PALLD: variants seen among roughly 807,000 people sequenced by gnomAD.
PALLD encodes the protein palladin.
In PALLD, 61 loss-of-function variants were observed where a neutral mutation model predicts 123.5. The ratio of observed to expected loss-of-function variants is 0.49; its 90% confidence interval spans 0.40 to 0.61. The LOEUF (loss-of-function observed/expected upper bound fraction) is 0.61. Among genes scored for constraint, PALLD ranks in the 20% least tolerant of loss-of-function variants. The pLI, the probability that PALLD is intolerant of heterozygous loss-of-function variation, is 0.00. For synonymous variants in PALLD, 465 were observed against 496.4 expected (o/e 0.94, Z 0.84); for missense variants, 1,273 against 1,377.0 (o/e 0.92, Z 1.20).
At chr4:168,591,837 C>T (rs191969783) in intron 2 of PALLD, among the ~76,000 whole-genome samples, 43 of 151,860 alleles carry the variant, frequency 2.8e-4, no homozygotes, top group Non-Finnish European at 4.7e-4. Flanking sequence ...TAATTTGGCC[C>T]CCAGGAAATG....
At chr4:168,749,978 G>A (rs1005255206) in intron 10 of PALLD, among the ~76,000 whole-genome samples, 1 of 147,638 alleles carries the variant, frequency 6.8e-6, no homozygotes, top group Non-Finnish European at 1.5e-5. Flanking sequence ...TTGGAGTCTC[G>A]CTCTGTCACC....
intron 2 of PALLD, among the ~76,000 whole-genome samples, chr4:168,549,594 T>A (rs534314868): frequency 2.6e-5 from 4 of 152,310 alleles, no homozygotes; most frequent in Admixed American, 6.5e-5. Context: ...CTCCCTCTTA[T>A]TAATACTTCA....
chr4:168,774,657 G>A (rs898629718), intron 10 of PALLD, among the ~76,000 whole-genome samples: 38 of 144,434 alleles, frequency 2.6e-4, no homozygotes, highest in Non-Finnish European at 3.1e-4. Flanking sequence ...GAACCTGGGA[G>A]GTGGAGGTTG....
At chr4:168,666,650 T>C (rs1302477248) in intron 2 of PALLD, among the ~76,000 whole-genome samples, 1 of 152,090 alleles carries the variant, frequency 6.6e-6, no homozygotes, top group East Asian at 1.9e-4. Context: ...AGGGCCAAGT[T>C]ATATGAAAAC....
intron 18 of PALLD, among the ~76,000 whole-genome samples, chr4:168,922,679 TG>T (rs1256848932): frequency 1.4e-4 from 21 of 152,236 alleles, no homozygotes; most frequent in African/African-American, 5.1e-4. Flanking sequence ...GTGGTAAATA[TG>T]TGGACTGTGG....
chr4:168,797,931 C>T (rs1309888530), intron 10 of PALLD, among the ~76,000 whole-genome samples: 2 of 151,558 alleles, frequency 1.3e-5, no homozygotes, highest in Non-Finnish European at 2.9e-5. Context: ...TGCAACTTCC[C>T]TTCTGATCCT....
intron 10 of PALLD, among the ~76,000 whole-genome samples, chr4:168,880,761 G>A (rs867839184): frequency 3.3e-5 from 5 of 152,248 alleles, no homozygotes; most frequent in Middle Eastern, 3.4e-3. Context: ...TATTTCTTTA[G>A]CTGGATAGTT....
chr4:168,694,286 A>G (rs1333614633), intron 8 of PALLD, among the ~76,000 whole-genome samples: 2 of 152,360 alleles, frequency 1.3e-5, no homozygotes, highest in East Asian at 3.8e-4. Context: ...GATAAATTTT[A>G]TAGGACTAGG....
intron 10 of PALLD, among the ~76,000 whole-genome samples, chr4:168,724,970 G>A (rs1483138204): frequency 1.3e-5 from 2 of 152,290 alleles, no homozygotes; most frequent in East Asian, 1.9e-4. Context: ...ACACCATCTC[G>A]ACTCTGAAGC....
At chr4:168,586,458 GC>G (rs1770830387) in intron 2 of PALLD, among the ~76,000 whole-genome samples, 1 of 152,166 alleles carries the variant, frequency 6.6e-6, no homozygotes, top group Non-Finnish European at 1.5e-5. Flanking sequence ...AATTCGTTTT[GC>G]TGTCGTTGAT....
intron 5 of PALLD, among the ~76,000 whole-genome samples, chr4:168,685,040 C>A (rs945660410): frequency 6.6e-6 from 1 of 152,024 alleles, no homozygotes; most frequent in South Asian, 2.1e-4. Context: ...ATCCCTATAT[C>A]AAAAAAGAGT....
intron 20 of PALLD, 51 bp from the exon 21 acceptor site, chr4:168,925,182 T>A: frequency 6.3e-7 from 1 of 1,584,062 alleles, no homozygotes; most frequent in African/African-American, 1.4e-5. Context: ...AACTATTGTG[T>A]TTTATTTGTC....
intron 2 of PALLD, among the ~76,000 whole-genome samples, chr4:168,544,652 C>T (rs188449215): frequency 8.3e-4 from 127 of 152,252 alleles, no homozygotes; most frequent in African/African-American, 2.8e-3. Flanking sequence ...AGGATAATTT[C>T]GTTTTACACT....
In PALLD at chr4:168,626,228, G is replaced by A. The variant is rs1193850178; in HGVS notation, c.909-41962G>A. 3.3e-5 allele frequency among the ~76,000 whole-genome samples: 5 copies of A among 151,656 alleles called. No homozygotes were observed. The East Asian group carries it at 5.8e-4, about 18-fold the overall frequency. ...ATCCTGGCTAACACAGTGAAACCTCGTCTCTACTAAAAATACAAAAGAAAT... is the reference window on the plus strand; with the variant it reads ...ATCCTGGCTAACACAGTGAAACCTCATCTCTACTAAAAATACAAAAGAAAT... On this transcript the variant is annotated intron_variant, in intron 2 of 21. Coordinates refer to ENST00000505667, the MANE Select transcript of PALLD (RefSeq NM_001166108.2).
chr4:168,673,890 G>A (rs74287183), intron 3 of PALLD, among the ~76,000 whole-genome samples: 2 of 69,400 alleles, frequency 2.9e-5, no homozygotes, highest in Non-Finnish European at 4.8e-5. Context: ...TGAACGTGCT[G>A]TGTGTGTGTG....
intron 2 of PALLD, among the ~76,000 whole-genome samples, chr4:168,520,929 T>C (rs1196237832): frequency 6.6e-6 from 1 of 152,244 alleles, no homozygotes; most frequent in Non-Finnish European, 1.5e-5. Context: ...CATTGGTATC[T>C]AGTCATGAGT....
At position 168,613,923 on chromosome 4, in the gene PALLD, G is replaced by A. The variant is rs150112809; in HGVS notation, c.909-54267G>A. Among the ~76,000 whole-genome samples the A allele has an allele frequency of 1.9e-3, 288 of 152,280 alleles. 1 individual carries two copies. Among genetic ancestry groups the A allele is most frequent in the African/African-American group, 6.2e-3 (259 of 41,546 alleles). ...AACATCGTGAAAAGAAATCTGAGTCGTAGAGCTCCACATCCTGCTGCCCTC... is the reference window on the plus strand; with the variant it reads ...AACATCGTGAAAAGAAATCTGAGTCATAGAGCTCCACATCCTGCTGCCCTC... On this transcript the variant is annotated intron_variant, in intron 2 of 21. Coordinates refer to ENST00000505667, the MANE Select transcript of PALLD (RefSeq NM_001166108.2).
In PALLD at chr4:168,754,542, T is replaced by G. The variant is rs560985068; in HGVS notation, c.1964+42619T>G. Among the ~76,000 whole-genome samples, 4 of 152,334 alleles carry G rather than the reference T, an allele frequency of 2.6e-5. No homozygotes were observed. In the South Asian group the frequency reaches 8.3e-4, roughly 32 times the overall value. The stretch of plus-strand genomic sequence containing the variant: ...TACTGTTACATTATGCTGACTATTA[T>G]TTTCCATTCTGGTGCTTCTTAAGCT... On this transcript the variant is annotated intron_variant, in intron 10 of 21. Coordinates refer to ENST00000505667, the MANE Select transcript of PALLD (RefSeq NM_001166108.2).
At chr4:168,548,170 G>T (rs1249656590) in intron 2 of PALLD, among the ~76,000 whole-genome samples, 1 of 152,032 alleles carries the variant, frequency 6.6e-6, no homozygotes. Context: ...GAGACAAAAG[G>T]ATCTTATCTA....
Sources: allele counts gnomAD v4.1 joint callset (sites outside exome capture counted in the v4.1 genomes callset), GRCh38; gene constraint gnomAD v4.1.1; transcripts MANE v1.5; gene names NCBI Gene and HGNC (gene_info 2026-07-23, HGNC 2026-07-21).